The following ASXL1 variants were observed in gnomAD, a reference collection of about 807,000 sequenced individuals.
ASXL1 encodes the protein ASXL transcriptional regulator 1.
ASXL1 carries 65 observed loss-of-function variants against 89.1 expected under a neutral mutation model. The ratio of observed to expected loss-of-function variants is 0.73; its 90% confidence interval spans 0.60 to 0.90. ASXL1 has a LOEUF of 0.90. ASXL1 is among the 40% of genes least tolerant of loss of function. The pLI, the probability that ASXL1 is intolerant of heterozygous loss-of-function variation, is 0.00. For missense variants in ASXL1, 1,786 were observed against 1,942.9 expected, an observed-to-expected ratio of 0.92 and a Z score of 1.52; for synonymous variants, 739 against 746.9, an observed-to-expected ratio of 0.99 and a Z score of 0.17.
chr20:32,388,230 G>A (rs1048190900), intron 4 of ASXL1, among the ~76,000 whole-genome samples: 2 of 151,988 alleles, frequency 1.3e-5, no homozygotes, highest in African/African-American at 4.8e-5. Context: ...GCTGGAATGC[G>A]GTGGCTTGAT....
chr20:32,436,937 C>G lies in ASXL1; in HGVS notation c.4225C>G (p.Pro1409Ala). ...AGGGATGCCCTTTGTCATGGACTTGCCCTTCTGGAAATTACCCCGAGAGCC... is the reference window on the plus strand; with the variant it reads ...AGGGATGCCCTTTGTCATGGACTTGGCCTTCTGGAAATTACCCCGAGAGCC... Reference protein sequence around the residue: ...LEGMPFVMDLPFWKLPREPGK... With the variant: ...LEGMPFVMDLAFWKLPREPGK... Residue 1409 changes from proline (P) to alanine (A), a missense_variant, in exon 13 of 13, where the codon CCC becomes GCC. Pro to Ala is a conservative substitution (Grantham distance 27). Transcript: ENST00000375687. 1 of 1,614,180 alleles carries G rather than the reference C, an allele frequency of 6.2e-7. No individual in the cohort carries two copies. Among genetic ancestry groups the G allele is most frequent in the Middle Eastern group, 1.6e-4 (1 of 6,062 alleles).
chr20:32,368,122 T>TA (rs2048237063), intron 3 of ASXL1, among the ~76,000 whole-genome samples: 1 of 152,170 alleles, frequency 6.6e-6, no homozygotes, highest in South Asian at 2.1e-4. Context: ...AGAGGCTTAC[T>TA]TAAGCTATTT....
At chr20:32,365,105 A>G (rs917033209) in intron 1 of ASXL1, among the ~76,000 whole-genome samples, 8 of 152,218 alleles carry the variant, frequency 5.3e-5, no homozygotes, top group African/African-American at 1.2e-4. Context: ...TGCCAATTAG[A>G]TGAATTAAGA....
At chr20:32,430,220 G>A (rs2011475805) in intron 8 of ASXL1, 167 bp downstream of exon 8, 2 of 946,444 alleles carry the variant, frequency 2.1e-6, no homozygotes, top group South Asian at 3.7e-5. Flanking sequence ...TTCATTTGTA[G>A]CTCTCTGCTA....
rs71187118 is a variant in ASXL1, at chr20:32,411,215, C to CTTTTTTTTTT, written c.253-16896_253-16887dup. Among the ~76,000 whole-genome samples, 18 of 53,442 alleles carry CTTTTTTTTTT rather than the reference C, an allele frequency of 3.4e-4. 6 individuals are homozygous for CTTTTTTTTTT. The highest frequency in any genetic ancestry group is 6.6e-4 in the Admixed American group (2 of 3,014). The allele number at this position is 53,442 out of a possible 152,430, so 35.1% of individuals were successfully genotyped here. ...TTTATTCGTTGTGAATTTATGGATT[C>CTTTTTTTTTT]TTTTTTTTTTTTTTTTTTTTTTTTT... On this transcript the variant is annotated intron_variant, in intron 4 of 12. Transcript: ENST00000375687.
chr20:32,369,150 G>A (rs2048255423), intron 4 of ASXL1, 27 bp downstream of exon 4: 4 of 1,569,536 alleles, frequency 2.5e-6, no homozygotes, highest in Non-Finnish European at 3.5e-6. Flanking sequence ...CTCTTTTGGT[G>A]CAGTGATTCT....
chr20:32,358,961 A>C (rs2048060639), intron 1 of ASXL1, 129 bp downstream of exon 1: 3 of 986,934 alleles, frequency 3.0e-6, no homozygotes, highest in Non-Finnish European at 2.8e-6. Flanking sequence ...TCTTCCTTTA[A>C]GAACGGGACA....
chr20:32,377,692 G>A (rs1457250450), intron 4 of ASXL1, among the ~76,000 whole-genome samples: 5 of 151,438 alleles, frequency 3.3e-5, no homozygotes, highest in African/African-American at 7.3e-5. Flanking sequence ...TCACTCTGTC[G>A]CCCAGGCTGG....
chr20:32,391,823 C>T (rs1313571768), intron 4 of ASXL1, among the ~76,000 whole-genome samples: 1 of 152,150 alleles, frequency 6.6e-6, no homozygotes, highest in Non-Finnish European at 1.5e-5. Context: ...TTCTGCTCTT[C>T]CTGGCAATAC....
chr20:32,377,595 C>T (rs1460939893), intron 4 of ASXL1, among the ~76,000 whole-genome samples: 2 of 151,998 alleles, frequency 1.3e-5, no homozygotes, highest in Non-Finnish European at 2.9e-5. Context: ...GGGCCCAAGT[C>T]TAAACACAGA....
chr20:32,379,366 A>C (rs189275852), intron 4 of ASXL1, among the ~76,000 whole-genome samples: 28 of 146,416 alleles, frequency 1.9e-4, no homozygotes, highest in African/African-American at 6.2e-4. Flanking sequence ...TTTATTTATT[A>C]TTATTATTAT....
intron 4 of ASXL1, among the ~76,000 whole-genome samples, chr20:32,411,268 C>T (rs1366632794): frequency 7.9e-6 from 1 of 126,226 alleles, no homozygotes; most frequent in Non-Finnish European, 1.6e-5. Flanking sequence ...CGCTCTGTCA[C>T]CCAGGCTGGA....
intron 4 of ASXL1, among the ~76,000 whole-genome samples, chr20:32,387,385 C>T (rs1418440691): frequency 1.3e-5 from 2 of 152,222 alleles, no homozygotes; most frequent in African/African-American, 4.8e-5. Flanking sequence ...TAGCCTTACT[C>T]AGATGCCTGC....
chr20:32,429,554 C>T lies in ASXL1; in HGVS notation c.565+123C>T. The T allele has an allele frequency of 9.6e-7, 1 of 1,038,682 alleles. No individual in the cohort carries two copies. The highest frequency in any genetic ancestry group is 1.5e-6 in the Non-Finnish European group (1 of 678,400). 64.3% of individuals were successfully genotyped at this position (1,038,682 alleles called of 1,614,324 possible). ...AGAGCTGTCGGGCCACAGGCAAGAG[C>T]CCTGCCAATGGATGAGGCCTGCCAT... On this transcript the variant is annotated intron_variant, in intron 7 of 12. Coordinates refer to ENST00000375687, the MANE Select transcript of ASXL1 (RefSeq NM_015338.6). This position sits in a 1 kb window ranked among gnomAD's most constrained non-coding sequence, Gnocchi z 4.9.
intron 4 of ASXL1, among the ~76,000 whole-genome samples, chr20:32,407,639 G>GT (rs566767194): frequency 8.7e-4 from 133 of 152,020 alleles, no homozygotes; most frequent in African/African-American, 2.9e-3. Flanking sequence ...CATTATGTCT[G>GT]TTTTTTGTAG....
At chr20:32,415,675 C>T (rs184131104) in intron 4 of ASXL1, among the ~76,000 whole-genome samples, 9 of 152,312 alleles carry the variant, frequency 5.9e-5, no homozygotes, top group Admixed American at 2.0e-4. Flanking sequence ...TAAACTTCAA[C>T]TTTCCTTCTT....
rs578092988 is a variant in ASXL1 at position 32,358,902 on chromosome 20, T to TG, written c.57+78dup. 4.0e-3 allele frequency: 5,265 copies of TG among 1,300,182 alleles called. 4 individuals carry two copies. Among genetic ancestry groups the TG allele is most frequent in the Middle Eastern group, 5.1e-3 (18 of 3,554 alleles). 80.5% of individuals were successfully genotyped at this position (1,300,182 alleles called of 1,614,324 possible). ...GGGGGCTCGCCGCGCACCCCCCCAC[T>TG]GGGGGGGGAGGGGCAAGGCCCTGCC... On this transcript the variant is annotated intron_variant, in intron 1 of 12. Coordinates refer to ENST00000375687, the MANE Select transcript of ASXL1 (RefSeq NM_015338.6).
chr20:32,426,983 T>G (rs1257884089), intron 4 of ASXL1: 1 of 152,226 alleles, frequency 6.6e-6, no homozygotes, highest in African/African-American at 2.4e-5. Flanking sequence ...TGTGGGCACC[T>G]GTTTTAAATT....
chr20:32,434,026 T>C, intron 12 of ASXL1, 109 bp downstream of exon 12: 1 of 1,462,208 alleles, frequency 6.8e-7, no homozygotes, highest in Non-Finnish European at 9.4e-7. Flanking sequence ...TGTGGGAATG[T>C]AGAGCTTTTT....
Sources: allele counts gnomAD v4.1 joint callset (sites outside exome capture counted in the v4.1 genomes callset), GRCh38; gene constraint gnomAD v4.1.1; non-coding constraint Gnocchi (gnomAD v3.1); transcripts MANE v1.5; gene names NCBI Gene and HGNC (gene_info 2026-07-23, HGNC 2026-07-21).